The following TMEM212 variants were observed in gnomAD, a reference collection of about 807,000 sequenced individuals.
TMEM212 encodes the protein transmembrane protein 212.
In TMEM212, 23 loss-of-function variants were observed where a neutral mutation model predicts 20.5. That is an observed-to-expected ratio of 1.12 (90% CI 0.81 to 1.59). The LOEUF (loss-of-function observed/expected upper bound fraction) is 1.59, where lower values mean the gene tolerates loss of function less well. Ranked by LOEUF, TMEM212 falls within the 40% of genes most tolerant of loss-of-function variation. TMEM212 has a pLI of 0.00. For missense variants in TMEM212, 211 were observed against 215.0 expected, an observed-to-expected ratio of 0.98 and a Z score of 0.12; for synonymous variants, 76 against 81.6, an observed-to-expected ratio of 0.93 and a Z score of 0.37.
At chr3:171,851,188 T>C (rs1484707341) in intron 1 of TMEM212, among the ~76,000 whole-genome samples, 3 of 152,254 alleles carry the variant, frequency 2.0e-5, no homozygotes, top group Non-Finnish European at 4.4e-5. Flanking sequence ...AAATGATATA[T>C]GCGGATTAAG....
At position 171,853,649 on chromosome 3, in the gene TMEM212, G is replaced by A. The variant is rs749662386; in HGVS notation, c.342G>A (p.Gly114=). The A allele has an allele frequency of 1.8e-5, 27 of 1,537,334 alleles. No homozygotes were observed. Among genetic ancestry groups the A allele is most frequent in the Admixed American group, 3.9e-5 (2 of 50,968 alleles). ...YCFYSFSGIA[G]TNYLGYAVTF... ...TCTATTCATTTTCAGGGATTGCAGG[G>A]ACTAATTACCTTGGCTATGCAGTTA... is the stretch of plus-strand genomic sequence containing the variant. Residue 114 remains glycine (G), a synonymous_variant, in exon 3 of 5, where the codon GGG becomes GGA. Transcript: ENST00000334567.
chr3:171,846,819 TCAAA>T (rs1175998196), intron 1 of TMEM212, among the ~76,000 whole-genome samples: 4 of 152,174 alleles, frequency 2.6e-5, no homozygotes, highest in African/African-American at 9.7e-5. Flanking sequence ...AGGGTGAACT[TCAAA>T]CAGTCTCTGA....
intron 1 of TMEM212, among the ~76,000 whole-genome samples, chr3:171,844,425 T>C (rs1724786199): frequency 6.6e-6 from 1 of 152,240 alleles, no homozygotes; most frequent in Admixed American, 6.5e-5. Flanking sequence ...TGTAGCCACT[T>C]GGCCGGGCAT....
chr3:171,853,077 C>T (rs1725022336), intron 2 of TMEM212, among the ~76,000 whole-genome samples: 1 of 152,166 alleles, frequency 6.6e-6, no homozygotes, highest in Middle Eastern at 3.2e-3. Context: ...ATGGGAAACA[C>T]ATAAATAAAC....
At chr3:171,855,711 G>GTCGT (rs1578520142) in intron 3 of TMEM212, among the ~76,000 whole-genome samples, 1 of 152,138 alleles carries the variant, frequency 6.6e-6, no homozygotes, top group East Asian at 1.9e-4. Context: ...TAGCTCAGAT[G>GTCGT]TCGTTTAATT....
At chr3:171,843,847 T>A (rs1724770834) in intron 1 of TMEM212, among the ~76,000 whole-genome samples, 2 of 152,220 alleles carry the variant, frequency 1.3e-5, no homozygotes, top group East Asian at 3.8e-4. Context: ...GAAATTAGAA[T>A]CTTTTGAAAT....
rs1326872014 is a variant in TMEM212 at position 171,853,717 on chromosome 3, A to T, written c.410A>T (p.Asp137Val). The T allele has an allele frequency of 6.5e-7, 1 of 1,537,366 alleles. No homozygotes were observed. Among genetic ancestry groups the T allele is most frequent in the Admixed American group, 2.0e-5 (1 of 50,974 alleles). Reference sequence around the variant, plus strand: ...GCAAAATTCCCATTAGCCTGTGTGGACCCACCACACTACGAAGAGTACCAC... The same window carrying T: ...GCAAAATTCCCATTAGCCTGTGTGGTCCCACCACACTACGAAGAGTACCAC... The part of the protein sequence containing the change: ...PYAKFPLACV[D>V]PPHYEEYHLT... Residue 137 changes from aspartate to valine, a missense_variant, in exon 3 of 5, where the codon GAC becomes GTC. Physicochemically the swap from Asp to Val is radical, Grantham distance 152. Coordinates refer to ENST00000334567, the MANE Select transcript of TMEM212 (RefSeq NM_001164436.2).
At chr3:171,849,252 G>A (rs901228265) in intron 1 of TMEM212, among the ~76,000 whole-genome samples, 2 of 152,052 alleles carry the variant, frequency 1.3e-5, no homozygotes, top group African/African-American at 4.8e-5. Context: ...TCTCCATGGT[G>A]CCTTTATCAT....
intron 3 of TMEM212, 54 bp from the exon 4 acceptor site, chr3:171,856,609 A>G: frequency 1.5e-6 from 1 of 650,258 alleles, no homozygotes; most frequent in Non-Finnish European, 2.8e-6. Context: ...CCACAGAATC[A>G]TAGGACTATT....
intron 1 of TMEM212, among the ~76,000 whole-genome samples, chr3:171,850,671 A>T (rs1268046228): frequency 6.6e-6 from 1 of 152,164 alleles, no homozygotes; most frequent in Non-Finnish European, 1.5e-5. Context: ...TGTACTATTT[A>T]TGCTGGCTCA....
intron 1 of TMEM212, among the ~76,000 whole-genome samples, chr3:171,849,097 A>G (rs961488504): frequency 2.0e-5 from 3 of 151,886 alleles, no homozygotes; most frequent in South Asian, 2.1e-4. Context: ...CCCTCCTTTC[A>G]GTGTGGACTC....
At chr3:171,849,106 TCC>T (rs1350938173) in intron 1 of TMEM212, among the ~76,000 whole-genome samples, 1 of 152,082 alleles carries the variant, frequency 6.6e-6, no homozygotes, top group Non-Finnish European at 1.5e-5. Context: ...CAGTGTGGAC[TCC>T]TCACTCCCTG....
chr3:171,843,517 C>G lies in TMEM212; in HGVS notation c.134C>G (p.Ala45Gly), dbSNP rs1031484434. ...TTCACAGGATGGAGTGTTCGAATTG[C>G]TTGTCCTATCTGGAATGGAGCTTTG... ...PWFTGWSVRIACPIWNGALAI... is the reference protein window; with the variant it reads ...PWFTGWSVRIGCPIWNGALAI... Residue 45 changes from alanine to glycine, a missense_variant, in exon 1 of 5, where the codon GCT becomes GGT. By Grantham distance (60) the Ala-to-Gly change is moderately conservative (BLOSUM62 0). Coordinates refer to ENST00000334567, the MANE Select transcript of TMEM212 (RefSeq NM_001164436.2). 1 of 1,535,448 alleles carries G rather than the reference C, an allele frequency of 6.5e-7. No individual in the cohort carries two copies. Among genetic ancestry groups the G allele is most frequent in the African/African-American group, 1.4e-5 (1 of 72,952 alleles).
chr3:171,850,856 C>T (rs112149386), intron 1 of TMEM212, among the ~76,000 whole-genome samples: 9 of 152,050 alleles, frequency 5.9e-5, no homozygotes, highest in Admixed American at 2.0e-4. Context: ...TGTGCACGCG[C>T]GTGTGTGTTT....
At chr3:171,843,725 C>A (rs140150410) in intron 1 of TMEM212, among the ~76,000 whole-genome samples, 183 bp downstream of exon 1, 194 of 152,178 alleles carry the variant, frequency 1.3e-3, no homozygotes, top group African/African-American at 4.6e-3. Context: ...TAAAAATGAT[C>A]TTAATATTGT....
Position 171,852,028 on chromosome 3 carries a change from C to T in TMEM212, c.206C>T (p.Thr69Ile). 2.6e-6 allele frequency: 4 copies of T among 1,536,748 alleles called. No individual in the cohort carries two copies. The highest frequency in any genetic ancestry group is 3.5e-6 in the Non-Finnish European group (4 of 1,146,560). The change falls in exon 2 of 5, where the codon ACC (threonine) becomes ATC (isoleucine). Residue 69 changes from threonine (T) to isoleucine (I), a missense_variant. By Grantham distance (89) the Thr-to-Ile change is moderately conservative. Transcript: ENST00000334567. Reference protein sequence around the residue: ...VLLLLAYREWTQRYLGEATFT... With the variant: ...VLLLLAYREWIQRYLGEATFT... ...CTACTGTTGGCTTACAGAGAGTGGA[C>T]CCAGAGGTACCTGGTAAATATACCG...
chr3:171,847,477 T>C (rs1393226794), intron 1 of TMEM212, among the ~76,000 whole-genome samples: 1 of 152,212 alleles, frequency 6.6e-6, no homozygotes, highest in African/African-American at 2.4e-5. Flanking sequence ...CTTCCACAGT[T>C]GCATGTCTTC....
chr3:171,854,681 T>A (rs139226087), intron 3 of TMEM212, among the ~76,000 whole-genome samples: 1 of 152,136 alleles, frequency 6.6e-6, no homozygotes, highest in Non-Finnish European at 1.5e-5. Context: ...AGACCACACA[T>A]AGCCAAAGCG....
In TMEM212 at chr3:171,858,256, G is replaced by A. The variant is rs1725161943; in HGVS notation, c.*199G>A. ...CCAATGGAACAGAACAGAGGCCTCA[G>A]AAATAACACCACACATATACAACCA... On this transcript the variant is annotated 3_prime_UTR_variant, in exon 5 of 5. Transcript: ENST00000334567. The A allele has an allele frequency of 3.3e-5, 5 of 152,102 alleles. No individual in the cohort carries two copies. The highest frequency in any genetic ancestry group is 2.6e-4 in the Admixed American group (4 of 15,272). The allele number at this position is 152,102 out of a possible 1,614,324, so 9.4% of individuals were successfully genotyped here. A position where few individuals can be genotyped will look rare whatever the true frequency, so the allele number is the denominator to read the frequency against.
Sources: gnomAD v4.1 joint callset for allele counts (sites outside exome capture counted in the v4.1 genomes callset) on GRCh38, gnomAD v4.1.1 for gene constraint, MANE v1.5 for transcripts, NCBI Gene and HGNC (gene_info 2026-07-23, HGNC 2026-07-21) for gene names.